The following EPHA6 variants were observed in gnomAD, a reference collection of about 807,000 sequenced individuals.
EPHA6 encodes EPH receptor A6, also known as ephrin type-A receptor 6.
In EPHA6, 50 loss-of-function variants were observed where a neutral mutation model predicts 112.0. The observed-to-expected ratio is 0.45, with a 90% CI of 0.36 to 0.56. The LOEUF is 0.56. EPHA6 is among the 20% of genes least tolerant of loss of function. The pLI, the probability that EPHA6 is intolerant of heterozygous loss-of-function variation, is 0.00. For synonymous variants in EPHA6, 529 were observed against 490.7 expected, an observed-to-expected ratio of 1.08 and a Z score of -1.03; for missense variants, 1,280 against 1,417.4, an observed-to-expected ratio of 0.90 and a Z score of 1.56.
intron 2 of EPHA6, among the ~76,000 whole-genome samples, chr3:96,969,594 A>T (rs2042243764): frequency 6.6e-6 from 1 of 152,006 alleles, no homozygotes; most frequent in Non-Finnish European, 1.5e-5. Context: ...TAAGGTATGT[A>T]CAGAATCATA....
intron 14 of EPHA6, among the ~76,000 whole-genome samples, chr3:97,649,344 T>C (rs1410241507): frequency 6.6e-6 from 1 of 151,956 alleles, no homozygotes; most frequent in Non-Finnish European, 1.5e-5. Context: ...GATTCAATTA[T>C]CTCCACCTGG....
At chr3:97,203,587 C>G (rs2077634770) in intron 3 of EPHA6, among the ~76,000 whole-genome samples, 1 of 151,950 alleles carries the variant, frequency 6.6e-6, no homozygotes, top group Non-Finnish European at 1.5e-5. Context: ...AGAAAAAAAT[C>G]TAATGAAATA....
chr3:96,842,067 C>G (rs1266843130), intron 1 of EPHA6, among the ~76,000 whole-genome samples: 2 of 152,100 alleles, frequency 1.3e-5, no homozygotes, highest in Non-Finnish European at 2.9e-5. Context: ...ACCTACCCTT[C>G]TTCAGATTCC....
intron 16 of EPHA6, among the ~76,000 whole-genome samples, chr3:97,744,603 G>A (rs1254666693): frequency 1.3e-5 from 2 of 151,918 alleles, no homozygotes; most frequent in Non-Finnish European, 2.9e-5. Context: ...GGGAATTATG[G>A]TATTAAAGCA....
chr3:97,549,490 C>A (rs1401006233), intron 11 of EPHA6, among the ~76,000 whole-genome samples: 1 of 152,146 alleles, frequency 6.6e-6, no homozygotes, highest in African/African-American at 2.4e-5. Flanking sequence ...GTTAAAGGAT[C>A]TGCTTCATTG....
chr3:97,367,424 G>A (rs1473615078), intron 5 of EPHA6, among the ~76,000 whole-genome samples: 10 of 152,082 alleles, frequency 6.6e-5, no homozygotes, highest in Non-Finnish European at 4.4e-5. Flanking sequence ...TGTTATTTCT[G>A]GCTGGTCGTG....
chr3:96,861,848 G>A (rs1386961666), intron 1 of EPHA6, among the ~76,000 whole-genome samples: 1 of 151,872 alleles, frequency 6.6e-6, no homozygotes, highest in Admixed American at 6.6e-5. Context: ...ATCCTCTTTA[G>A]AAGATTTTAT....
chr3:97,210,055 T>C (rs1353820639), intron 3 of EPHA6, among the ~76,000 whole-genome samples: 1 of 152,192 alleles, frequency 6.6e-6, no homozygotes, highest in African/African-American at 2.4e-5. Context: ...ATGGTTAATA[T>C]AATATAAAAC....
At chr3:97,164,831 C>T (rs965631528) in intron 3 of EPHA6, among the ~76,000 whole-genome samples, 1 of 151,944 alleles carries the variant, frequency 6.6e-6, no homozygotes, top group African/African-American at 2.4e-5. Flanking sequence ...TTATTTCTAC[C>T]ACCAGCATCC....
intron 14 of EPHA6, among the ~76,000 whole-genome samples, chr3:97,638,946 CATT>C (rs2093976606): frequency 1.3e-5 from 2 of 152,022 alleles, no homozygotes; most frequent in Admixed American, 6.6e-5. Context: ...GATGCAACTT[CATT>C]ATTGAGTCCT....
At chr3:97,480,211 T>A (rs1366448956) in intron 9 of EPHA6, among the ~76,000 whole-genome samples, 1 of 151,910 alleles carries the variant, frequency 6.6e-6, no homozygotes, top group African/African-American at 2.4e-5. Context: ...AATTTTTCTT[T>A]TTTTTCTTTC....
At chr3:96,999,082 G>A (rs2043532321) in intron 3 of EPHA6, among the ~76,000 whole-genome samples, 1 of 151,774 alleles carries the variant, frequency 6.6e-6, no homozygotes, top group African/African-American at 2.4e-5. Context: ...CATTCTAATT[G>A]ATTTGGATCA....
At chr3:97,669,067 G>T (rs1322193714) in intron 14 of EPHA6, among the ~76,000 whole-genome samples, 1 of 151,656 alleles carries the variant, frequency 6.6e-6, no homozygotes, top group African/African-American at 2.4e-5. Context: ...CCCTTCTAAG[G>T]TCTGGGCTTC....
chr3:97,450,682 A>C (rs1402216336), intron 7 of EPHA6, among the ~76,000 whole-genome samples: 2 of 152,102 alleles, frequency 1.3e-5, no homozygotes, highest in Admixed American at 1.3e-4. Flanking sequence ...TTGTACTCAC[A>C]AGTAACTCAG....
chr3:97,586,402 A>T (rs935777502), intron 11 of EPHA6, among the ~76,000 whole-genome samples: 1 of 152,188 alleles, frequency 6.6e-6, no homozygotes, highest in Non-Finnish European at 1.5e-5. Flanking sequence ...GGTCTTCCTC[A>T]CTGGTGACAT....
intron 2 of EPHA6, among the ~76,000 whole-genome samples, chr3:96,870,355 G>A (rs978707611): frequency 6.6e-6 from 1 of 152,056 alleles, no homozygotes; most frequent in Admixed American, 6.6e-5. Flanking sequence ...CTAAAGGCGG[G>A]AGAAGACAGA....
At chr3:96,891,428 G>A (rs1318012041) in intron 2 of EPHA6, among the ~76,000 whole-genome samples, 3 of 152,118 alleles carry the variant, frequency 2.0e-5, no homozygotes, top group African/African-American at 7.2e-5. Flanking sequence ...TGACTGGAAG[G>A]GGCCAGAAAT....
chr3:96,893,033 A>G (rs945279074), intron 2 of EPHA6, among the ~76,000 whole-genome samples: 1 of 151,810 alleles, frequency 6.6e-6, no homozygotes, highest in Non-Finnish European at 1.5e-5. Flanking sequence ...AACCACATAC[A>G]TGTGATGATG....
At chr3:97,301,268 C>T (rs1159858222) in intron 5 of EPHA6, among the ~76,000 whole-genome samples, 3 of 152,020 alleles carry the variant, frequency 2.0e-5, no homozygotes, top group East Asian at 3.9e-4. Context: ...AATGTTTTTC[C>T]CTGCTATTTG....
Sources: gnomAD v4.1 joint callset for allele counts (sites outside exome capture counted in the v4.1 genomes callset) on GRCh38, gnomAD v4.1.1 for gene constraint, MANE v1.5 for transcripts, NCBI Gene and HGNC (gene_info 2026-07-23, HGNC 2026-07-21) for gene names.